The following NEBL variants were observed in gnomAD, a reference collection of about 807,000 sequenced individuals.
NEBL encodes LIM and SH3 protein 2.
Under a neutral mutation model 140.2 loss-of-function variants are expected in NEBL, and 122 were observed. The observed-to-expected ratio is 0.87, with a 90% CI of 0.75 to 1.01. The LOEUF (loss-of-function observed/expected upper bound fraction) is 1.01. Among genes scored for constraint, NEBL ranks in the 50% least tolerant of loss-of-function variants. The probability of loss-of-function intolerance (pLI) is 0.00; values close to 1 mark genes in which losing one functional copy is unlikely to be tolerated. For synonymous variants in NEBL, 436 were observed against 398.9 expected (o/e 1.09, Z -1.11); for missense variants, 1,365 against 1,231.3 (o/e 1.11, Z -1.62).
chr10:20,947,807 G>A (rs1177312417), intron 4 of NEBL, among the ~76,000 whole-genome samples: 2 of 152,148 alleles, frequency 1.3e-5, no homozygotes, highest in Non-Finnish European at 2.9e-5. Context: ...CGTAAGTGAG[G>A]TAAGGGGCAC....
rs553898709 is a variant in NEBL, at chr10:21,039,070, T to G, written c.165-18869A>C. 1.4e-3 allele frequency among the ~76,000 whole-genome samples: 203 copies of G among 144,816 alleles called. 1 individual carries two copies. The highest frequency in any genetic ancestry group is 4.6e-3 in the African/African-American group (183 of 39,488). ...CTTTTTGATGGGGCTGTTTTTTTTT[T>G]TTTTTTTTTTTTTTTTGTAAATTTG... On this transcript the variant is annotated intron_variant, in intron 2 of 6. Transcript: ENST00000417816.
intron 4 of NEBL, among the ~76,000 whole-genome samples, chr10:20,911,890 G>A (rs1349778169): frequency 1.3e-5 from 2 of 152,080 alleles, no homozygotes; most frequent in East Asian, 3.9e-4. Context: ...ACCGTCAAAG[G>A]CTCTAAAAAG....
chr10:20,841,571 G>C (rs1841413348), intron 12 of NEBL: 1 of 152,168 alleles, frequency 6.6e-6, no homozygotes, highest in Non-Finnish European at 1.5e-5. Context: ...ATCATCCATA[G>C]ATAATGAAAT....
chr10:20,927,886 T>C (rs1229373432), intron 4 of NEBL, among the ~76,000 whole-genome samples: 1 of 152,184 alleles, frequency 6.6e-6, no homozygotes, highest in African/African-American at 2.4e-5. Context: ...ACACATAAAA[T>C]ACGAAGCTTT....
At chr10:20,789,306 T>C (rs1835713029) in intron 26 of NEBL, among the ~76,000 whole-genome samples, 1 of 152,274 alleles carries the variant, frequency 6.6e-6, no homozygotes, top group Non-Finnish European at 1.5e-5. Flanking sequence ...AATTAAATTC[T>C]AATTCATTGT....
chr10:21,254,920 T>C (rs1842635649), intron 1 of NEBL, among the ~76,000 whole-genome samples: 1 of 143,284 alleles, frequency 7.0e-6, no homozygotes, highest in Non-Finnish European at 1.5e-5. Context: ...TCCCAAGCTG[T>C]GGCTGGCTGT....
intron 3 of NEBL, among the ~76,000 whole-genome samples, chr10:21,231,770 G>A (rs901206584): frequency 2.0e-5 from 3 of 152,284 alleles, no homozygotes; most frequent in Non-Finnish European, 4.4e-5. Context: ...TCAGCAGGAG[G>A]AGGTAGGGAG....
At chr10:20,900,190 A>T (rs78401427), upstream of NEBL, among the ~76,000 whole-genome samples, 1,243 of 152,272 alleles carry the variant, frequency 8.2e-3, 17 homozygotes, top group African/African-American at 0.028. Context: ...CACTTCTTTT[A>T]TGTTGTTTAC....
At chr10:21,059,027 T>G (rs1428614219) in intron 2 of NEBL, among the ~76,000 whole-genome samples, 1 of 152,222 alleles carries the variant, frequency 6.6e-6, no homozygotes, top group Non-Finnish European at 1.5e-5. Flanking sequence ...TATTAAAACA[T>G]GAAAGATTAT....
At chr10:20,876,654 A>G (rs1228613731) in intron 5 of NEBL, among the ~76,000 whole-genome samples, 1 of 152,194 alleles carries the variant, frequency 6.6e-6, no homozygotes, top group African/African-American at 2.4e-5. Flanking sequence ...GACTACCAAT[A>G]TGGTGTTTTG....
At chr10:21,012,626 G>A (rs1838386369) in intron 3 of NEBL, among the ~76,000 whole-genome samples, 2 of 152,168 alleles carry the variant, frequency 1.3e-5, no homozygotes, top group Middle Eastern at 3.4e-3. Context: ...TCCTGCTTCA[G>A]CCTACCAAAG....
At chr10:20,793,440 T>TGAAAACAC in intron 26 of NEBL, 1 of 732,906 alleles carries the variant, frequency 1.4e-6, no homozygotes, top group Non-Finnish European at 1.7e-6. Flanking sequence ...CTTGCAGTGT[T>TGAAAACAC]TTCAACCCTG....
chr10:20,967,639 A>C (rs1367733612), intron 3 of NEBL, among the ~76,000 whole-genome samples: 2 of 152,092 alleles, frequency 1.3e-5, no homozygotes, highest in Non-Finnish European at 2.9e-5. Context: ...AAAAAAAAAA[A>C]ACAAGTGCAT....
chr10:20,948,891 G>A (rs1441212880), intron 4 of NEBL, among the ~76,000 whole-genome samples: 1 of 152,138 alleles, frequency 6.6e-6, no homozygotes, highest in Non-Finnish European at 1.5e-5. Flanking sequence ...GAACGCCAAA[G>A]GTGGAAACCA....
At chr10:20,924,305 GT>G (rs1331213107) in intron 4 of NEBL, among the ~76,000 whole-genome samples, 1 of 145,458 alleles carries the variant, frequency 6.9e-6, no homozygotes, top group Non-Finnish European at 1.5e-5. Flanking sequence ...GACCCTGAAA[GT>G]TTCACCTGTG....
chr10:20,829,959 A>G (rs988637981), intron 16 of NEBL, among the ~76,000 whole-genome samples: 3 of 152,206 alleles, frequency 2.0e-5, no homozygotes, highest in African/African-American at 4.8e-5. Flanking sequence ...TTGAGAGAGT[A>G]AGTAACTCTT....
intron 3 of NEBL, among the ~76,000 whole-genome samples, chr10:21,007,085 G>A (rs1233010763): frequency 6.6e-6 from 1 of 152,082 alleles, no homozygotes; most frequent in Admixed American, 6.6e-5. Flanking sequence ...AGTGGAGAAT[G>A]AGAGGAGAAA....
At chr10:20,996,902 T>C (rs563572329) in intron 3 of NEBL, among the ~76,000 whole-genome samples, 19 of 152,302 alleles carry the variant, frequency 1.2e-4, no homozygotes, top group Non-Finnish European at 2.2e-4. Context: ...CAGAATACAT[T>C]TGGAAACGTG....
At chr10:20,827,402 T>C (rs367929319) in intron 17 of NEBL, among the ~76,000 whole-genome samples, 2 of 152,340 alleles carry the variant, frequency 1.3e-5, no homozygotes, top group East Asian at 3.9e-4. Context: ...AGCAGACATC[T>C]GACCAGCTTA....
Sources: allele counts gnomAD v4.1 joint callset (sites outside exome capture counted in the v4.1 genomes callset), GRCh38; gene constraint gnomAD v4.1.1; transcripts MANE v1.5; gene names NCBI Gene and HGNC (gene_info 2026-07-23, HGNC 2026-07-21).